Variants in CSMD1 observed in about 807,000 individuals in gnomAD.
CSMD1 encodes the protein CUB and sushi domain-containing protein 1.
Under a neutral mutation model 417.5 loss-of-function variants are expected in CSMD1, and 213 were observed. The ratio of observed to expected loss-of-function variants is 0.51; its 90% CI spans 0.46 to 0.57. The LOEUF is 0.57. CSMD1 is among the 20% of genes least tolerant of loss of function. CSMD1 has a pLI of 0.00. For synonymous variants in CSMD1, 2,862 were observed against 1,736.8 expected, an observed-to-expected ratio of 1.65 and a Z score of -16.11; for missense variants, 6,923 against 4,529.7, an observed-to-expected ratio of 1.53 and a Z score of -15.17.
At chr8:3,592,332 T>G (rs938529693) in intron 8 of CSMD1, among the ~76,000 whole-genome samples, 4 of 152,110 alleles carry the variant, frequency 2.6e-5, no homozygotes, top group African/African-American at 9.7e-5. Context: ...AAAAGGAATA[T>G]ATATATATTA....
intron 1 of CSMD1, among the ~76,000 whole-genome samples, chr8:4,669,558 T>C (rs1459216497): frequency 6.6e-6 from 1 of 152,188 alleles, no homozygotes; most frequent in Non-Finnish European, 1.5e-5. Flanking sequence ...CAGAGATTTT[T>C]TTACCCATCT....
At chr8:4,543,018 A>G (rs1797469358) in intron 2 of CSMD1, among the ~76,000 whole-genome samples, 1 of 152,200 alleles carries the variant, frequency 6.6e-6, no homozygotes, top group Non-Finnish European at 1.5e-5. Flanking sequence ...GAGTAGGTTT[A>G]AGGTGATGGT....
At chr8:4,274,716 A>G (rs1366724459) in intron 3 of CSMD1, among the ~76,000 whole-genome samples, 1 of 152,188 alleles carries the variant, frequency 6.6e-6, no homozygotes, top group Non-Finnish European at 1.5e-5. Flanking sequence ...TCAACATAAT[A>G]CATAGCATTT....
chr8:4,294,369 G>A (rs1979917), intron 3 of CSMD1, among the ~76,000 whole-genome samples: 139,348 of 152,212 alleles, frequency 0.92, 65,032 homozygotes, highest in East Asian at 1. Flanking sequence ...CAGTATTCCA[G>A]AGAGTGCAAG....
chr8:4,433,891 T>C lies in CSMD1; in HGVS notation c.303-13826A>G, dbSNP rs1212386593. Among the ~76,000 whole-genome samples, 7 of 152,060 alleles carry C rather than the reference T, an allele frequency of 4.6e-5. No homozygotes were observed. In the East Asian group the frequency reaches 1.3e-3, roughly 29 times the overall value. ...AGGCACAGCCCCATTTCTTTGACAATCCTACAAAAGTCAGGATAAGAACAC... is the reference window on the plus strand; with the variant it reads ...AGGCACAGCCCCATTTCTTTGACAACCCTACAAAAGTCAGGATAAGAACAC... On this transcript the variant is annotated intron_variant, in intron 2 of 69. Coordinates refer to ENST00000635120, the MANE Select transcript of CSMD1 (RefSeq NM_033225.6).
intron 7 of CSMD1, among the ~76,000 whole-genome samples, chr8:3,620,109 GAAGAAAAGAA>G (rs1037344002): frequency 1.3e-5 from 2 of 151,782 alleles, no homozygotes; most frequent in Non-Finnish European, 2.9e-5. Flanking sequence ...CTGAAGAAAA[GAAGAAAAGAA>G]AAGAAAAGAA....
At chr8:4,464,975 G>T (rs1056755996) in intron 2 of CSMD1, among the ~76,000 whole-genome samples, 1 of 152,100 alleles carries the variant, frequency 6.6e-6, no homozygotes, top group Non-Finnish European at 1.5e-5. Flanking sequence ...GATGCCACCA[G>T]AATGACTTCT....
chr8:4,850,382 C>CTTTTTTTTTTTTTTTTTTT, intron 1 of CSMD1, among the ~76,000 whole-genome samples: 3 of 77,824 alleles, frequency 3.9e-5, no homozygotes, highest in African/African-American at 1.6e-4. Context: ...TCCAATTTAT[C>CTTTTTTTTTTTTTTTTTTT]TTTTTTTTTT....
At chr8:4,275,760 T>A (rs983408056) in intron 3 of CSMD1, among the ~76,000 whole-genome samples, 2 of 152,198 alleles carry the variant, frequency 1.3e-5, no homozygotes, top group African/African-American at 4.8e-5. Context: ...CAAAACACTT[T>A]AGTCACAGAA....
chr8:3,988,481 G>A (rs572831390), intron 5 of CSMD1, among the ~76,000 whole-genome samples: 80 of 152,328 alleles, frequency 5.3e-4, no homozygotes, highest in Middle Eastern at 3.4e-3. Flanking sequence ...AGGCTCTGGA[G>A]CACGGAACAG....
chr8:3,824,322 C>T (rs1331725744), intron 5 of CSMD1, among the ~76,000 whole-genome samples: 1 of 151,960 alleles, frequency 6.6e-6, no homozygotes, highest in Non-Finnish European at 1.5e-5. Flanking sequence ...CCTAGGAATA[C>T]TGAGAGGTTG....
rs370197687 is a variant in CSMD1 at position 3,371,749 on chromosome 8, C to G, written c.2783-2379G>C. On this transcript the variant is annotated intron_variant, in intron 18 of 69. Coordinates refer to ENST00000635120, the MANE Select transcript of CSMD1 (RefSeq NM_033225.6). ...AAATCATCTCCTTTAATACGTAAAC[C>G]TCATGGGAAGCATGATATAAAAATC... Among the ~76,000 whole-genome samples, 71 of 152,178 alleles carry G rather than the reference C, an allele frequency of 4.7e-4. 2 individuals are homozygous for G. The South Asian group carries it at 0.015, about 31-fold the overall frequency.
rs527406693 is a variant in CSMD1 at position 3,040,587 on chromosome 8, G to A, written c.7661-11074C>T. ...TGGGAGGACGAGGCAGGTGGATCAC[G>A]AGGTCAGGAGTTCAGGACCAGCCTG... On this transcript the variant is annotated intron_variant, in intron 50 of 69. Transcript: ENST00000635120. 9.9e-5 allele frequency among the ~76,000 whole-genome samples: 15 copies of A among 151,756 alleles called. 1 individual carries two copies. In the East Asian group the frequency reaches 2.1e-3, roughly 22 times the overall value.
At chr8:3,605,244 C>G (rs1181560697) in intron 8 of CSMD1, among the ~76,000 whole-genome samples, 1 of 152,170 alleles carries the variant, frequency 6.6e-6, no homozygotes, top group Admixed American at 6.5e-5. Flanking sequence ...CCCGCCTCGG[C>G]CTCCCACAGT....
chr8:4,026,164 C>T (rs1585157120), intron 4 of CSMD1, among the ~76,000 whole-genome samples: 1 of 152,136 alleles, frequency 6.6e-6, no homozygotes, highest in Non-Finnish European at 1.5e-5. Flanking sequence ...CACATTTACA[C>T]ATTTACAAGA....
rs75608437 is a variant in CSMD1 at position 3,704,389 on chromosome 8, G to C, written c.1009+4025C>G. 2.2e-3 allele frequency among the ~76,000 whole-genome samples: 335 copies of C among 152,256 alleles called. 8 individuals carry two copies. In the East Asian group the frequency reaches 0.052, roughly 24 times the overall value. Reference sequence around the variant, plus strand: ...TCCATAGGAACTCACACAGGGAGGAGGGGGCCTTCCTAAAACAAATCCACA... The same window carrying C: ...TCCATAGGAACTCACACAGGGAGGACGGGGCCTTCCTAAAACAAATCCACA... On this transcript the variant is annotated intron_variant, in intron 7 of 69. Coordinates refer to ENST00000635120, the MANE Select transcript of CSMD1 (RefSeq NM_033225.6).
rs866424572 is a variant in CSMD1, at chr8:3,919,611, A to G, written c.818+78292T>C. On this transcript the variant is annotated intron_variant, in intron 5 of 69. Transcript: ENST00000635120. Reference sequence around the variant, plus strand: ...ATTCTTGCTCAAGATTGCTTTGGTTATCTCTGGTCTTTTGTGATTCCATAC... The same window carrying G: ...ATTCTTGCTCAAGATTGCTTTGGTTGTCTCTGGTCTTTTGTGATTCCATAC... Among the ~76,000 whole-genome samples, 4 of 152,014 alleles carry G rather than the reference A, an allele frequency of 2.6e-5. 1 individual carries two copies. In the South Asian group the frequency reaches 8.3e-4, roughly 32 times the overall value.
At chr8:4,677,008 A>G (rs11779665) in intron 1 of CSMD1, among the ~76,000 whole-genome samples, 12,955 of 144,852 alleles carry the variant, frequency 0.089, 644 homozygotes, top group East Asian at 0.15. Context: ...AAAATTTTAT[A>G]TAGAATTTTA....
At chr8:3,265,300 A>G (rs936748186) in intron 26 of CSMD1, among the ~76,000 whole-genome samples, 4 of 152,242 alleles carry the variant, frequency 2.6e-5, no homozygotes, top group Non-Finnish European at 5.9e-5. Context: ...AAGAAATGGT[A>G]AACGCAGAAA....
Sources: gnomAD v4.1 joint callset for allele counts (sites outside exome capture counted in the v4.1 genomes callset) on GRCh38, gnomAD v4.1.1 for gene constraint, MANE v1.5 for transcripts, NCBI Gene and HGNC (gene_info 2026-07-23, HGNC 2026-07-21) for gene names.